The following SCYL2 variants were observed in gnomAD, a reference collection of about 807,000 sequenced individuals.
The protein encoded by SCYL2 is SCY1-like protein 2.
Under a neutral mutation model 100.4 loss-of-function variants are expected in SCYL2, and 36 were observed. That is an observed-to-expected ratio of 0.36 (90% CI 0.27 to 0.47). SCYL2 has a LOEUF of 0.47. Among genes scored for constraint, SCYL2 ranks in the 20% least tolerant of loss-of-function variants. The pLI is 1.00. For missense variants in SCYL2, 902 were observed against 1,083.9 expected (o/e 0.83, Z 2.36); for synonymous variants, 330 against 359.2 (o/e 0.92, Z 0.92).
chr12:100,338,059 T>G (rs1478328131), intron 17 of SCYL2, among the ~76,000 whole-genome samples: 1 of 152,186 alleles, frequency 6.6e-6, no homozygotes, highest in African/African-American at 2.4e-5. Flanking sequence ...TTTAAACTAT[T>G]TTTTTGTTAC....
intron 2 of SCYL2, among the ~76,000 whole-genome samples, chr12:100,288,898 T>A (rs1176171829): frequency 2.6e-5 from 4 of 151,976 alleles, no homozygotes; most frequent in Non-Finnish European, 4.4e-5. Flanking sequence ...AATTTTTTTT[T>A]TGAGATGGAA....
intron 8 of SCYL2, 40 bp from the exon 9 acceptor site, chr12:100,315,518 A>G (rs769492488): frequency 1.6e-5 from 24 of 1,530,152 alleles, no homozygotes; most frequent in African/African-American, 7.0e-5. Flanking sequence ...AACCTTTAAT[A>G]AATTTTATTT....
Position 100,337,270 on chromosome 12 carries a change from G to A in SCYL2, c.2026-117G>A, listed in dbSNP as rs923772514. 4.0e-6 allele frequency: 5 copies of A among 1,248,190 alleles called. No homozygotes were observed. In the Admixed American group the frequency reaches 1.2e-4, roughly 30 times the overall value. The allele number at this position is 1,248,190 out of a possible 1,614,324, so 77.3% of individuals were successfully genotyped here. ...CTTACTGTGACAATCACCAAGACAA[G>A]AGTAGTTTGCTTTTCAGTGAAGTAG... On this transcript the variant is annotated intron_variant, in intron 16 of 17. Coordinates refer to ENST00000360820, the MANE Select transcript of SCYL2 (RefSeq NM_017988.6).
chr12:100,295,041 G>A lies in SCYL2; in HGVS notation c.336-2990G>A, dbSNP rs573654624. Among the ~76,000 whole-genome samples the A allele has an allele frequency of 3.1e-4, 45 of 146,458 alleles. 1 individual carries two copies. Among genetic ancestry groups the A allele is most frequent in the African/African-American group, 8.9e-4 (35 of 39,458 alleles). On this transcript the variant is annotated intron_variant, in intron 3 of 17. Coordinates refer to ENST00000360820, the MANE Select transcript of SCYL2 (RefSeq NM_017988.6). ...GACGGGGTCGCGGCCGGGCAGAGGC[G>A]CTCCTCACATCCCAGATGGGGTGGC...
At position 100,315,193 on chromosome 12, in the gene SCYL2, C is replaced by T. The variant is rs546236365; in HGVS notation, c.1096-365C>T. 2.6e-3 allele frequency among the ~76,000 whole-genome samples: 395 copies of T among 152,228 alleles called. 2 individuals are homozygous for T. Among genetic ancestry groups the T allele is most frequent in the African/African-American group, 8.8e-3 (366 of 41,526 alleles). ...TCTCAGGCCCTTATAGTAAGTGTAG[C>T]TAGGGTTAACGTGTGAAACAGTTAA... On this transcript the variant is annotated intron_variant, in intron 8 of 17. Coordinates refer to ENST00000360820, the MANE Select transcript of SCYL2 (RefSeq NM_017988.6).
At chr12:100,325,416 A>G (rs920631948) in intron 11 of SCYL2, among the ~76,000 whole-genome samples, 8 of 152,244 alleles carry the variant, frequency 5.3e-5, no homozygotes, top group African/African-American at 1.7e-4. Flanking sequence ...TATTTAGAAC[A>G]GTAACTAGGA....
At chr12:100,285,779 A>G (rs2096303841) in intron 2 of SCYL2, among the ~76,000 whole-genome samples, 2 of 152,184 alleles carry the variant, frequency 1.3e-5, no homozygotes, top group South Asian at 4.1e-4. Flanking sequence ...TGGTCATTTG[A>G]ATATAGGTAT....
At chr12:100,294,038 G>T (rs2096313887) in intron 3 of SCYL2, among the ~76,000 whole-genome samples, 1 of 151,204 alleles carries the variant, frequency 6.6e-6, no homozygotes, top group African/African-American at 2.4e-5. Flanking sequence ...TCAATGAGCT[G>T]TTGGGCACAC....
rs2096297553 is a variant in SCYL2 at position 100,281,019 on chromosome 12, G to GTTTTGTTTTTTTTTTTT, written c.-28-1920_-28-1919insGTTTTTTTTTTTTTTTT. Among the ~76,000 whole-genome samples, 31 of 50,490 alleles carry GTTTTGTTTTTTTTTTTT rather than the reference G, an allele frequency of 6.1e-4. 2 individuals carry two copies. The highest frequency in any genetic ancestry group is 2.1e-3 in the African/African-American group (31 of 14,520). The allele number at this position is 50,490 out of a possible 152,430, so 33.1% of individuals were successfully genotyped here. ...ATTTTATTGTCCCTTTACCATCAGT[G>GTTTTGTTTTTTTTTTTT]TTTTTTTTTTTTTTTTTTTTTTTTT... On this transcript the variant is annotated intron_variant, in intron 1 of 17. Transcript: ENST00000360820.
rs575140978 is a variant in SCYL2, at chr12:100,317,582, T to C, written c.1273-221T>C. 6.6e-6 allele frequency: 7 copies of C among 1,057,098 alleles called. No homozygotes were observed. The South Asian group carries it at 1.7e-4, about 26-fold the overall frequency. The allele number at this position is 1,057,098 out of a possible 1,614,324, so 65.5% of individuals were successfully genotyped here. A position where few individuals can be genotyped will look rare whatever the true frequency, so the allele number is the denominator to read the frequency against. ...TAGATATGTGAGAGGAGATTAGTCT[T>C]TATTTAATTAACATTTAAACTCAGA... On this transcript the variant is annotated intron_variant, in intron 9 of 17. Coordinates refer to ENST00000360820, the MANE Select transcript of SCYL2 (RefSeq NM_017988.6).
At position 100,338,996 on chromosome 12, in the gene SCYL2, C is replaced by A. The variant is rs1487269114; in HGVS notation, c.2614C>A (p.Gln872Lys). 1.2e-6 allele frequency: 2 copies of A among 1,614,004 alleles called. No homozygotes were observed. The highest frequency in any genetic ancestry group is 1.7e-6 in the Non-Finnish European group (2 of 1,179,986). Residue 872 changes from glutamine (Q) to lysine (K), a missense_variant, in exon 18 of 18, where the codon CAA becomes AAA. Coordinates refer to ENST00000360820, the MANE Select transcript of SCYL2 (RefSeq NM_017988.6). ...NQWLNQFVPP[Q>K]GSPTMGSSVM... Reference sequence around the variant, plus strand: ...GTGGCTTAATCAGTTTGTACCTCCTCAAGGTTCTCCAACTATGGGCAGTTC... The same window carrying A: ...GTGGCTTAATCAGTTTGTACCTCCTAAAGGTTCTCCAACTATGGGCAGTTC...
chr12:100,287,939 T>C (rs780419449), intron 2 of SCYL2, among the ~76,000 whole-genome samples: 6 of 152,228 alleles, frequency 3.9e-5, no homozygotes, highest in Non-Finnish European at 8.8e-5. Flanking sequence ...CTGTGGTAGA[T>C]ACAGAGGCAC....
chr12:100,273,700 CA>C (rs758855810), intron 1 of SCYL2, among the ~76,000 whole-genome samples: 7 of 152,164 alleles, frequency 4.6e-5, no homozygotes, highest in Non-Finnish European at 8.8e-5. Context: ...CATATCTTGG[CA>C]CGTGGTATTA....
rs1207546220 is a variant in SCYL2, at chr12:100,282,356, C to T, written c.-28-587C>T. Among the ~76,000 whole-genome samples the T allele has an allele frequency of 1.1e-4, 12 of 112,184 alleles. 1 individual carries two copies. The highest frequency in any genetic ancestry group is 2.0e-4 in the Non-Finnish European group (11 of 54,264). 73.6% of individuals were successfully genotyped at this position (112,184 alleles called of 152,430 possible). On this transcript the variant is annotated intron_variant, in intron 1 of 17. Coordinates refer to ENST00000360820, the MANE Select transcript of SCYL2 (RefSeq NM_017988.6). ...TTTTTTTTTTTTTGAGATGCAGTCT[C>T]ACTCTGTCACCAAGGCTGGAGTGCT... is the stretch of plus-strand genomic sequence containing the variant.
In SCYL2 at chr12:100,267,337, G is replaced by A. The variant is rs957114997; in HGVS notation, c.-484G>A. On this transcript the variant is annotated 5_prime_UTR_variant, in exon 1 of 18. Transcript: ENST00000360820. ...GGCAGAGCAGGAACAGCCAGGAGGC[G>A]TTTATTAGGGGGGCGGGGGGAAAGA... 5.4e-6 allele frequency: 2 copies of A among 373,240 alleles called. No individual in the cohort carries two copies. The highest frequency in any genetic ancestry group is 1.1e-4 in the South Asian group (2 of 17,540). The allele number at this position is 373,240 out of a possible 1,614,324, so 23.1% of individuals were successfully genotyped here. A position where few individuals can be genotyped will look rare whatever the true frequency, so the allele number is the denominator to read the frequency against.
At chr12:100,308,596 A>C (rs536721183) in intron 4 of SCYL2, among the ~76,000 whole-genome samples, 1 of 151,780 alleles carries the variant, frequency 6.6e-6, no homozygotes, top group Non-Finnish European at 1.5e-5. Flanking sequence ...TGTAAAAAAA[A>C]CTGCACATTC....
intron 13 of SCYL2, among the ~76,000 whole-genome samples, chr12:100,330,288 G>T (rs1952192667): frequency 1.3e-5 from 2 of 151,926 alleles, no homozygotes; most frequent in South Asian, 4.3e-4. Flanking sequence ...AACTTTCAAG[G>T]TGTGGTAAAT....
intron 4 of SCYL2, among the ~76,000 whole-genome samples, chr12:100,299,528 T>G (rs934930177): frequency 2.6e-5 from 4 of 152,208 alleles, no homozygotes; most frequent in Admixed American, 2.6e-4. Context: ...CCTTGCAGTT[T>G]GTCTGTCCCT....
rs766209436 is a variant in SCYL2, at chr12:100,323,572, C to A, written c.1443C>A (p.Tyr481Ter). The A allele has an allele frequency of 1.2e-6, 2 of 1,606,082 alleles. No homozygotes were observed. Among genetic ancestry groups the A allele is most frequent in the Non-Finnish European group, 1.7e-6 (2 of 1,175,800 alleles). ...CAACCTTTGCAAATCTTATAGACTA[C>A]CCATCCATGAAAAACGCTTTGATAC... ...IIPTFANLIDYPSMKNALIPR... is the reference protein window; with the variant it reads ...IIPTFANLID The change falls in exon 11 of 18, where the codon TAC (tyrosine) becomes TAA (stop). Residue 481 changes from tyrosine (Y) to a stop codon, truncating the protein, a stop_gained. Transcript: ENST00000360820. LOFTEE classifies it high-confidence loss of function.
Sources: allele counts gnomAD v4.1 joint callset (sites outside exome capture counted in the v4.1 genomes callset), GRCh38; gene constraint gnomAD v4.1.1; transcripts MANE v1.5; gene names NCBI Gene and HGNC (gene_info 2026-07-23, HGNC 2026-07-21).